The following MKLN1 variants were observed in gnomAD, a reference collection of about 807,000 sequenced individuals.
MKLN1 encodes the protein muskelin 1.
In MKLN1, 18 loss-of-function variants were observed where a neutral mutation model predicts 99.0. That is an observed-to-expected ratio of 0.18 (90% CI 0.13 to 0.27). The LOEUF (loss-of-function observed/expected upper bound fraction) is 0.27, where lower values mean the gene tolerates loss of function less well. Among genes scored for constraint, MKLN1 ranks in the 10% least tolerant of loss-of-function variants. The probability of loss-of-function intolerance (pLI) is 1.00; values close to 1 mark genes in which losing one functional copy is unlikely to be tolerated. For missense variants in MKLN1, 621 were observed against 875.9 expected (o/e 0.71, Z 3.67); for synonymous variants, 288 against 293.2 (o/e 0.98, Z 0.18).
upstream of MKLN1, among the ~76,000 whole-genome samples, chr7:131,325,936 A>G (rs552683730): frequency 1.1e-4 from 17 of 152,180 alleles, no homozygotes; most frequent in African/African-American, 4.1e-4. Flanking sequence ...TGGAGAGAAA[A>G]ATCAAGGCAG....
At chr7:131,486,434 A>T (rs188434171) in intron 17 of MKLN1, among the ~76,000 whole-genome samples, 42 of 152,248 alleles carry the variant, frequency 2.8e-4, no homozygotes, top group Admixed American at 5.9e-4. Context: ...ATATATTTTT[A>T]AAAAATAAAA....
intron 1 of MKLN1, among the ~76,000 whole-genome samples, chr7:131,330,682 C>G (rs192395287): frequency 1.7e-4 from 26 of 152,128 alleles, no homozygotes; most frequent in Admixed American, 2.0e-4. Context: ...ATTAAAGGCA[C>G]TTACATTTTA....
chr7:131,212,438 A>G lies in MKLN1; in HGVS notation c.-179+9464A>G, dbSNP rs145526162. 5.3e-4 allele frequency among the ~76,000 whole-genome samples: 80 copies of G among 152,314 alleles called. No homozygotes were observed. In the East Asian group the frequency reaches 0.015, roughly 28 times the overall value. ...ACTATAGGTCACTTTTCCCTTCTCT[A>G]ACTTCCTTTGGAGTGATGCTGTGTC... On this transcript the variant is annotated intron_variant, in intron 3 of 7. Coordinates refer to the MKLN1 transcript ENST00000416992.
At chr7:131,147,217 A>ATTTTTTTTTTTTTT (rs71168371) in intron 2 of MKLN1, among the ~76,000 whole-genome samples, 5 of 136,336 alleles carry the variant, frequency 3.7e-5, no homozygotes, top group Admixed American at 3.1e-4. Flanking sequence ...ACACCCAGCT[A>ATTTTTTTTTTTTTT]TTTTTTTTTT....
intron 3 of MKLN1, among the ~76,000 whole-genome samples, chr7:131,296,867 G>C (rs1798298159): frequency 6.6e-6 from 1 of 152,128 alleles, no homozygotes; most frequent in Admixed American, 6.5e-5. Flanking sequence ...CTCCCAAGAA[G>C]CTGGGACCAC....
At position 131,135,706 on chromosome 7, in the gene MKLN1, T is replaced by A. The variant is rs548586053; in HGVS notation, c.-418-7114T>A. ...TAAGATGAAGACTGTGAATTTGGAT[T>A]TGATGTCATGGAGGTCATTGCGAGC... On this transcript the variant is annotated intron_variant, in intron 1 of 7. Coordinates refer to the MKLN1 transcript ENST00000416992. Among the ~76,000 whole-genome samples, 4 of 152,280 alleles carry A rather than the reference T, an allele frequency of 2.6e-5. No homozygotes were observed. In the South Asian group the frequency reaches 8.3e-4, roughly 32 times the overall value.
intron 12 of MKLN1, among the ~76,000 whole-genome samples, chr7:131,458,860 C>G (rs974163000): frequency 1.1e-4 from 17 of 152,164 alleles, no homozygotes; most frequent in Non-Finnish European, 1.9e-4. Flanking sequence ...CCATTGTATT[C>G]TAGCATTCAT....
chr7:131,129,537 T>G (rs968728142), intron 1 of MKLN1, among the ~76,000 whole-genome samples: 5 of 152,126 alleles, frequency 3.3e-5, no homozygotes, highest in Non-Finnish European at 5.9e-5. Flanking sequence ...AAAAAGCAGG[T>G]TATGGAAGAT....
At chr7:131,320,351 G>C (rs1388763809) in intron 3 of MKLN1, among the ~76,000 whole-genome samples, 3 of 152,160 alleles carry the variant, frequency 2.0e-5, no homozygotes, top group Admixed American at 2.0e-4. Context: ...TTTAATAAAT[G>C]GTGCTGGGAA....
chr7:131,292,804 A>G (rs1798240624), intron 3 of MKLN1, among the ~76,000 whole-genome samples: 1 of 152,230 alleles, frequency 6.6e-6, no homozygotes, highest in African/African-American at 2.4e-5. Flanking sequence ...CTAATGGGGA[A>G]CAGGACTGAC....
chr7:131,478,976 G>A (rs1754588233), intron 17 of MKLN1: 2 of 390,302 alleles, frequency 5.1e-6, no homozygotes, highest in Non-Finnish European at 9.3e-6. Context: ...AATGCAGGCT[G>A]TTTTACTGAT....
intron 1 of MKLN1, among the ~76,000 whole-genome samples, chr7:131,124,698 T>C (rs1795426987): frequency 6.6e-6 from 1 of 152,172 alleles, no homozygotes; most frequent in Non-Finnish European, 1.5e-5. Context: ...CTGCCTTGTA[T>C]CCCAGTCTCC....
At chr7:131,221,759 G>T (rs1159558767) in intron 3 of MKLN1, among the ~76,000 whole-genome samples, 2 of 150,510 alleles carry the variant, frequency 1.3e-5, no homozygotes, top group African/African-American at 2.5e-5. Flanking sequence ...GACCTTAGGT[G>T]ATCCACCCAC....
chr7:131,463,451 T>C, intron 13 of MKLN1, 87 bp downstream of exon 13: 2 of 1,315,932 alleles, frequency 1.5e-6, no homozygotes, highest in Non-Finnish European at 2.1e-6. Context: ...AATGAGAGTA[T>C]TACGTTAATT....
intron 17 of MKLN1, among the ~76,000 whole-genome samples, chr7:131,485,939 A>G (rs182337925): frequency 6.6e-6 from 1 of 152,208 alleles, no homozygotes; most frequent in Non-Finnish European, 1.5e-5. Flanking sequence ...TGGGACATCA[A>G]TGTTAAATTT....
intron 3 of MKLN1, among the ~76,000 whole-genome samples, chr7:131,271,355 A>G (rs1312242103): frequency 1.3e-5 from 2 of 152,226 alleles, no homozygotes; most frequent in Admixed American, 1.3e-4. Context: ...ACGGTGGCTC[A>G]TGCCTGTAAT....
In MKLN1 at chr7:131,327,979, C is replaced by A. The variant is rs753248242; in HGVS notation, c.80C>A (p.Ser27Tyr). Reference protein sequence around the residue: ...PYALHKWSSFSSTYLPENILV... With the variant: ...PYALHKWSSFYSTYLPENILV... ...GCGCTACACAAGTGGAGCTCCTTTT[C>A]CTCCACCTACCTTCCCGAGTAAGTG... The change falls in exon 1 of 18, where the codon TCC becomes TAC. Residue 27 changes from serine (S) to tyrosine (Y), a missense_variant. Ser to Tyr is a moderately radical substitution (Grantham distance 144). Transcript: ENST00000352689. 3 of 1,613,776 alleles carry A rather than the reference C, an allele frequency of 1.9e-6. No homozygotes were observed. Among genetic ancestry groups the A allele is most frequent in the Non-Finnish European group, 2.5e-6 (3 of 1,179,874 alleles).
intron 16 of MKLN1, among the ~76,000 whole-genome samples, chr7:131,474,838 TCA>T (rs765611562): frequency 6.6e-6 from 1 of 152,146 alleles, no homozygotes; most frequent in Non-Finnish European, 1.5e-5. Flanking sequence ...TTTAATTGAC[TCA>T]CAGGCCCACA....
rs570697351 is a variant in MKLN1, at chr7:131,384,820, A to G, written c.169-2300A>G. ...GCCAAATAAGAAGTTAGTGCTCACA[A>G]AATGTTAGCGTTATTTTCATTGCCA... On this transcript the variant is annotated intron_variant, in intron 2 of 17. Transcript: ENST00000352689. Among the ~76,000 whole-genome samples the G allele has an allele frequency of 5.9e-5, 9 of 152,362 alleles. No homozygotes were observed. In the East Asian group the frequency reaches 1.3e-3, roughly 23 times the overall value.
Sources: gnomAD v4.1 joint callset for allele counts (sites outside exome capture counted in the v4.1 genomes callset) on GRCh38, gnomAD v4.1.1 for gene constraint, MANE v1.5 for transcripts, NCBI Gene and HGNC (gene_info 2026-07-23, HGNC 2026-07-21) for gene names.